ZDHHC23: variants seen among roughly 807,000 people sequenced by gnomAD.
ZDHHC23 encodes the protein palmitoyltransferase ZDHHC23.
ZDHHC23 carries 41 observed loss-of-function variants against 40.2 expected under a neutral mutation model. The observed-to-expected ratio is 1.02, with a 90% CI of 0.79 to 1.32. The LOEUF is 1.32. Among genes scored for constraint, ZDHHC23 ranks in the 40% most tolerant of loss-of-function variants. The pLI, the probability that ZDHHC23 is intolerant of heterozygous loss-of-function variation, is 0.00. For synonymous variants in ZDHHC23, 204 were observed against 210.2 expected (o/e 0.97, Z 0.26); for missense variants, 471 against 541.5 (o/e 0.87, Z 1.29).
chr3:113,960,875 G>C lies in ZDHHC23; in HGVS notation c.*2245G>C, dbSNP rs1206018253. 1 of 1,351,252 alleles carries C rather than the reference G, an allele frequency of 7.4e-7. No individual in the cohort carries two copies. The highest frequency in any genetic ancestry group is 9.8e-7 in the Non-Finnish European group (1 of 1,023,170). 83.7% of individuals were successfully genotyped at this position (1,351,252 alleles called of 1,614,324 possible). The stretch of plus-strand genomic sequence containing the variant: ...TGCTTAAACCTGTCAAAAGATGAGT[G>C]ATCTTGTGTGGGAAAAGCCTTCCCA... On this transcript the variant is annotated 3_prime_UTR_variant, in exon 5 of 5. Transcript: ENST00000638807.
At chr3:113,957,471 C>G (rs1939340214) in intron 4 of ZDHHC23, 2 of 356,156 alleles carry the variant, frequency 5.6e-6, no homozygotes, top group South Asian at 4.2e-5. Context: ...ATGAAATTCT[C>G]TGCTAACGCT....
downstream of ZDHHC23, among the ~76,000 whole-genome samples, chr3:113,967,194 C>T (rs1260042175): frequency 6.6e-6 from 1 of 152,180 alleles, no homozygotes; most frequent in Non-Finnish European, 1.5e-5. Context: ...TTACAGCTTC[C>T]TGTGCTCGGC....
At position 113,954,227 on chromosome 3, in the gene ZDHHC23, C is replaced by T. The variant is rs773281756; in HGVS notation, c.689C>T (p.Ser230Leu). 2.5e-5 allele frequency: 41 copies of T among 1,614,052 alleles called. No homozygotes were observed. Among genetic ancestry groups the T allele is most frequent in the Non-Finnish European group, 3.1e-5 (37 of 1,180,038 alleles). Residue 230 changes from serine (S) to leucine (L), a missense_variant, in exon 3 of 5, where the codon TCG becomes TTG. Physicochemically the swap from Ser to Leu is moderately radical, Grantham distance 145. Transcript: ENST00000638807. Reference sequence around the variant, plus strand: ...AAAGGGTTCCCTGGGGCAGACATGTCGGGCAGTCTCAACAATCGCACAACA... The same window carrying T: ...AAAGGGTTCCCTGGGGCAGACATGTTGGGCAGTCTCAACAATCGCACAACA... ...KTKGFPGADM[S>L]GSLNNRTTKD...
At chr3:113,978,649 C>G in the ZDHHC23 span, 13 of 616,744 alleles carry the variant, frequency 2.1e-5, no homozygotes, top group Non-Finnish European at 3.3e-5. Context: ...TTTATACACA[C>G]TCCGTGAAAC....
the ZDHHC23 span, among the ~76,000 whole-genome samples, chr3:113,972,465 T>A: frequency 6.6e-6 from 1 of 152,172 alleles, no homozygotes; most frequent in Non-Finnish European, 1.5e-5. Context: ...GTTTTTTGAA[T>A]TTGTTGAGAG....
At chr3:113,973,160 G>C in the ZDHHC23 span, among the ~76,000 whole-genome samples, 1 of 152,094 alleles carries the variant, frequency 6.6e-6, no homozygotes, top group Non-Finnish European at 1.5e-5. Flanking sequence ...GTGGCAAAAC[G>C]ATTTTCTCAG....
Position 113,948,788 on chromosome 3 carries a change from T to C in ZDHHC23, c.-15T>C, listed in dbSNP as rs1204771667. 1.2e-6 allele frequency: 2 copies of C among 1,613,972 alleles called. No individual in the cohort carries two copies. Among genetic ancestry groups the C allele is most frequent in the South Asian group, 1.1e-5 (1 of 91,078 alleles). ...TCTGAGGGCTTCTTACGCCTCATGG[T>C]GACAGGTGCAAATCATGACACAGAA... is the stretch of plus-strand genomic sequence containing the variant. On this transcript the variant is annotated 5_prime_UTR_variant, in exon 2 of 5. Coordinates refer to ENST00000638807, the MANE Select transcript of ZDHHC23 (RefSeq NM_001320466.2).
Position 113,962,066 on chromosome 3 carries a change from T to A in ZDHHC23, c.*3436T>A, listed in dbSNP as rs1939718009. On this transcript the variant is annotated 3_prime_UTR_variant, in exon 5 of 5. Transcript: ENST00000638807. ...TCCATTTTGAAAAGTAGAGGTTGCT[T>A]AAGCAAGCAATGGATAATAAGAGAC... is the stretch of plus-strand genomic sequence containing the variant. The A allele has an allele frequency of 6.6e-6, 1 of 152,622 alleles. No homozygotes were observed. Among genetic ancestry groups the A allele is most frequent in the South Asian group, 2.1e-4 (1 of 4,828 alleles). 9.5% of individuals were successfully genotyped at this position (152,622 alleles called of 1,614,324 possible).
intron 4 of ZDHHC23, 56 bp from the exon 5 acceptor site, chr3:113,958,305 GAC>G (rs1250673450): frequency 5.7e-5 from 84 of 1,472,562 alleles, no homozygotes; most frequent in Middle Eastern, 3.7e-4. Flanking sequence ...TGAGAATGAT[GAC>G]AGTTTTCTGA....
chr3:113,956,867 C>T (rs1939273805), intron 4 of ZDHHC23, among the ~76,000 whole-genome samples: 1 of 152,244 alleles, frequency 6.6e-6, no homozygotes, highest in South Asian at 2.1e-4. Context: ...CCTATTTTGT[C>T]ATAACGATCA....
chr3:113,972,304 T>G, the ZDHHC23 span, among the ~76,000 whole-genome samples: 1 of 152,148 alleles, frequency 6.6e-6, no homozygotes, highest in East Asian at 1.9e-4. Flanking sequence ...TCAAGAAATT[T>G]TTAAATTTTT....
At chr3:113,955,389 T>TGTGTGTGTGTGTGTGTGC (rs368956826) in intron 3 of ZDHHC23, among the ~76,000 whole-genome samples, 6 of 140,258 alleles carry the variant, frequency 4.3e-5, no homozygotes, top group African/African-American at 1.6e-4. Context: ...TGTGTGTGTG[T>TGTGTGTGTGTGTGTGTGC]GTGCGTGTGT....
chr3:113,956,230 G>A, intron 3 of ZDHHC23, 109 bp from the exon 4 acceptor site: 1 of 1,258,306 alleles, frequency 7.9e-7, no homozygotes, highest in Non-Finnish European at 1.1e-6. Flanking sequence ...CTGAACTACA[G>A]AGCAAGACTC....
rs779967706 is a variant in ZDHHC23, at chr3:113,956,554, T to G, written c.1040+48T>G. Reference sequence around the variant, plus strand: ...TGGAGGCCCCCTGGGAAGTAATGGGTGTTGCCATTGACAGGGACTATTACT... The same window carrying G: ...TGGAGGCCCCCTGGGAAGTAATGGGGGTTGCCATTGACAGGGACTATTACT... On this transcript the variant is annotated intron_variant, in intron 4 of 4. Transcript: ENST00000638807. The G allele has an allele frequency of 8.4e-6, 13 of 1,546,014 alleles. No individual in the cohort carries two copies. In the African/African-American group the frequency reaches 1.8e-4, roughly 21 times the overall value.
the ZDHHC23 span, among the ~76,000 whole-genome samples, chr3:113,971,558 C>T: frequency 9.7e-4 from 148 of 152,204 alleles, 3 homozygotes; most frequent in East Asian, 0.015. Flanking sequence ...TTCTTTTCAA[C>T]GTGTTATTGA....
chr3:113,957,077 TAGGCCC>T (rs1939299157), intron 4 of ZDHHC23, among the ~76,000 whole-genome samples: 2 of 152,192 alleles, frequency 1.3e-5, no homozygotes, highest in African/African-American at 4.8e-5. Flanking sequence ...AAAATTTCCT[TAGGCCC>T]CTTTATAGAT....
At chr3:113,949,415 A>G (rs979172818) in intron 2 of ZDHHC23, among the ~76,000 whole-genome samples, 1 of 152,204 alleles carries the variant, frequency 6.6e-6, no homozygotes, top group Non-Finnish European at 1.5e-5. Flanking sequence ...TCCTGCTGTT[A>G]GTACTGGTCT....
chr3:113,948,992 C>T, intron 2 of ZDHHC23, 29 bp downstream of exon 2: 2 of 1,612,558 alleles, frequency 1.2e-6, no homozygotes, highest in Non-Finnish European at 1.7e-6. Context: ...TTGACGCTGG[C>T]CCCATCACCC....
chr3:113,954,450 C>T, intron 3 of ZDHHC23, 40 bp downstream of exon 3: 3 of 1,482,142 alleles, frequency 2.0e-6, no homozygotes, highest in South Asian at 1.4e-5. Flanking sequence ...AGTGTAAATT[C>T]ATGTAAAACT....
Sources: gnomAD v4.1 joint callset for allele counts (sites outside exome capture counted in the v4.1 genomes callset) on GRCh38, gnomAD v4.1.1 for gene constraint, MANE v1.5 for transcripts, NCBI Gene and HGNC (gene_info 2026-07-23, HGNC 2026-07-21) for gene names.